FBXO15: variants seen among roughly 807,000 people sequenced by gnomAD.
FBXO15 encodes the protein F-box protein 15, also known as F-box only protein 15.
In FBXO15, 30 loss-of-function variants were observed where a neutral mutation model predicts 49.5. That is an observed-to-expected ratio of 0.61 (90% CI 0.45 to 0.82). The LOEUF (loss-of-function observed/expected upper bound fraction) is 0.82. Among genes scored for constraint, FBXO15 ranks in the 40% least tolerant of loss-of-function variants. The pLI is 0.00. For missense variants in FBXO15, 591 were observed against 631.5 expected (o/e 0.94, Z 0.69); for synonymous variants, 250 against 232.7 (o/e 1.07, Z -0.68).
intron 3 of FBXO15, among the ~76,000 whole-genome samples, chr18:74,131,064 T>C (rs1382137902): frequency 2.0e-5 from 3 of 152,240 alleles, no homozygotes; most frequent in African/African-American, 7.2e-5. Context: ...AGGATGTATG[T>C]ACACACACCA....
At chr18:74,091,279 T>C (rs1184393397) in intron 8 of FBXO15, among the ~76,000 whole-genome samples, 1 of 152,182 alleles carries the variant, frequency 6.6e-6, no homozygotes, top group Non-Finnish European at 1.5e-5. Flanking sequence ...CTTGAGTCTA[T>C]AGGTGTCACT....
intron 8 of FBXO15, chr18:74,096,886 A>C (rs28539446): frequency 6.6e-6 from 1 of 152,156 alleles, no homozygotes; most frequent in Non-Finnish European, 1.5e-5. Flanking sequence ...TACAGGACAC[A>C]CACCAAATAC....
intron 6 of FBXO15, among the ~76,000 whole-genome samples, chr18:74,124,973 G>C (rs73476533): frequency 1.3e-5 from 2 of 152,142 alleles, no homozygotes; most frequent in African/African-American, 4.8e-5. Flanking sequence ...TGTTCCTCTT[G>C]CAAGTAACTG....
At chr18:74,078,277 A>G (rs1302998909) in intron 9 of FBXO15, among the ~76,000 whole-genome samples, 2 of 152,106 alleles carry the variant, frequency 1.3e-5, no homozygotes, top group Non-Finnish European at 2.9e-5. Flanking sequence ...CAAACTCTTT[A>G]ACAACATCCA....
chr18:74,132,554 T>A (rs1978459473), intron 3 of FBXO15, among the ~76,000 whole-genome samples: 1 of 152,240 alleles, frequency 6.6e-6, no homozygotes, highest in Non-Finnish European at 1.5e-5. Context: ...TAAGTGAACC[T>A]AAGTGAAAAC....
chr18:74,098,287 A>G (rs965010288), intron 8 of FBXO15: 4 of 152,250 alleles, frequency 2.6e-5, no homozygotes, highest in African/African-American at 9.6e-5. Context: ...TTTACCTGAA[A>G]AAGAATCCAG....
At chr18:74,141,905 A>C (rs548457708) in intron 1 of FBXO15, among the ~76,000 whole-genome samples, 1 of 152,140 alleles carries the variant, frequency 6.6e-6, no homozygotes, top group Non-Finnish European at 1.5e-5. Flanking sequence ...CTACAGAGTA[A>C]ATTCCTCTTC....
rs1240207865 is a variant in FBXO15, at chr18:74,073,742, A to G, written c.1264-12T>C. 30 of 1,598,986 alleles carry G rather than the reference A, an allele frequency of 1.9e-5. No homozygotes were observed. Among genetic ancestry groups the G allele is most frequent in the Non-Finnish European group, 2.6e-5 (30 of 1,172,044 alleles). On this transcript the variant is annotated splice_polypyrimidine_tract_variant and intron_variant, in intron 9 of 9. Transcript: ENST00000419743. The stretch of plus-strand genomic sequence containing the variant: ...ATCATGGAACAACTCTGCAAAATAA[A>G]CACAGATTGACAAGGATAAAAAGGC...
chr18:74,102,347 A>C lies in FBXO15; in HGVS notation c.1139-20296T>G, dbSNP rs533910432. 6.0e-4 allele frequency among the ~76,000 whole-genome samples: 91 copies of C among 152,194 alleles called. 1 individual carries two copies. The highest frequency in any genetic ancestry group is 2.2e-3 in the African/African-American group (90 of 41,546). On this transcript the variant is annotated intron_variant, in intron 8 of 9. Transcript: ENST00000419743. ...GATATACAAATGGCCAACAAACACA[A>C]AAAAAATGCTCAGCATCACTAATGA...
intron 1 of FBXO15, among the ~76,000 whole-genome samples, chr18:74,141,949 A>G (rs1260891035): frequency 1.3e-5 from 2 of 152,242 alleles, no homozygotes; most frequent in Admixed American, 6.5e-5. Context: ...AAAAAAGCAC[A>G]GTAGCTGGTA....
chr18:74,128,373 A>G (rs1386766498), intron 5 of FBXO15, among the ~76,000 whole-genome samples: 1 of 151,916 alleles, frequency 6.6e-6, no homozygotes, highest in East Asian at 1.9e-4. Context: ...GGAAACCATG[A>G]AAGAACCCTG....
chr18:74,106,268 T>C (rs1913761542), intron 8 of FBXO15, among the ~76,000 whole-genome samples: 1 of 152,080 alleles, frequency 6.6e-6, no homozygotes, highest in South Asian at 2.1e-4. Context: ...ACTTACCATA[T>C]TTACAAAAAT....
intron 1 of FBXO15, among the ~76,000 whole-genome samples, chr18:74,142,025 A>G (rs1174122707): frequency 1.3e-5 from 2 of 152,226 alleles, no homozygotes; most frequent in African/African-American, 2.4e-5. Context: ...AAGAAGTTGC[A>G]TAAGGTAAAC....
At chr18:74,134,540 T>A (rs1276762511) in intron 3 of FBXO15, among the ~76,000 whole-genome samples, 4 of 151,950 alleles carry the variant, frequency 2.6e-5, no homozygotes, top group Non-Finnish European at 4.4e-5. Flanking sequence ...AGCTAATTTT[T>A]TGTATTTTTA....
chr18:74,078,334 C>A (rs1250027105), intron 9 of FBXO15, among the ~76,000 whole-genome samples: 2 of 149,192 alleles, frequency 1.3e-5, no homozygotes. Flanking sequence ...TCAAGGCCCC[C>A]CCCCGACCTG....
At chr18:74,107,172 G>T (rs1247392883) in intron 8 of FBXO15, among the ~76,000 whole-genome samples, 4 of 148,172 alleles carry the variant, frequency 2.7e-5, no homozygotes, top group Non-Finnish European at 5.9e-5. Flanking sequence ...ATATATTTAT[G>T]GGGTACACAG....
In FBXO15 at chr18:74,147,699, G is replaced by A. The variant is rs1235664797; in HGVS notation, c.87C>T (p.Ala29=). The A allele has an allele frequency of 5.3e-6, 8 of 1,520,610 alleles. No homozygotes were observed. The South Asian group carries it at 8.5e-5, about 16-fold the overall frequency. 94.2% of individuals were successfully genotyped at this position (1,520,610 alleles called of 1,614,324 possible). ...LRGPSRGGGA[A]RGRARAFGCR... ...ACCCAAAGGCCCTGGCGCGCCCCCGGGCCGCGCCACCGCCCCTGCTGGGCC... is the reference window on the plus strand; with the variant it reads ...ACCCAAAGGCCCTGGCGCGCCCCCGAGCCGCGCCACCGCCCCTGCTGGGCC... The change falls in exon 1 of 10, where the codon GCC becomes GCT. Residue 29 remains alanine (A), a synonymous_variant. Coordinates refer to ENST00000419743, the MANE Select transcript of FBXO15 (RefSeq NM_001142958.2).
intron 8 of FBXO15, among the ~76,000 whole-genome samples, chr18:74,119,288 C>G (rs754982552): frequency 1.3e-5 from 2 of 152,194 alleles, no homozygotes; most frequent in Non-Finnish European, 2.9e-5. Flanking sequence ...TTTAAGATAA[C>G]AGGCCCAGAA....
chr18:74,107,202 A>ACAAC (rs1175660760), intron 8 of FBXO15, among the ~76,000 whole-genome samples: 17 of 141,856 alleles, frequency 1.2e-4, no homozygotes, highest in African/African-American at 4.8e-4. Flanking sequence ...GTAAAAAAAA[A>ACAAC]AAAAACAACA....
Sources: gnomAD v4.1 joint callset for allele counts (sites outside exome capture counted in the v4.1 genomes callset) on GRCh38, gnomAD v4.1.1 for gene constraint, MANE v1.5 for transcripts, NCBI Gene and HGNC (gene_info 2026-07-23, HGNC 2026-07-21) for gene names.